The following LARGE1 variants were observed in gnomAD, a reference collection of about 807,000 sequenced individuals.
LARGE1 encodes the protein xylosyl- and glucuronyltransferase LARGE1.
In LARGE1, 43 loss-of-function variants were observed where a neutral mutation model predicts 87.6. The observed-to-expected ratio is 0.49, with a 90% CI of 0.38 to 0.63. The LOEUF is 0.63. Ranked by LOEUF, LARGE1 falls within the 30% of genes least tolerant of loss-of-function variation. The pLI is 0.00. For synonymous variants in LARGE1, 434 were observed against 394.6 expected (o/e 1.10, Z -1.18); for missense variants, 802 against 1,000.2 (o/e 0.80, Z 2.67).
chr22:33,654,839 G>A (rs970258299), intron 2 of LARGE1, among the ~76,000 whole-genome samples: 24 of 152,314 alleles, frequency 1.6e-4, no homozygotes, highest in Admixed American at 9.2e-4. Flanking sequence ...AGGAGCTTGG[G>A]TGAAGAACCA....
intron 2 of LARGE1, among the ~76,000 whole-genome samples, chr22:33,669,472 T>C (rs956297197): frequency 1.3e-5 from 2 of 152,196 alleles, no homozygotes; most frequent in Non-Finnish European, 2.9e-5. Context: ...AGCAAAACAA[T>C]GTCCACAGAG....
At chr22:33,601,048 C>T (rs550555515) in intron 5 of LARGE1, among the ~76,000 whole-genome samples, 1 of 151,996 alleles carries the variant, frequency 6.6e-6, no homozygotes, top group East Asian at 1.9e-4. Flanking sequence ...CCAGCCTGGG[C>T]GACAGAGCAA....
chr22:33,491,421 T>A (rs944605868), intron 6 of LARGE1, among the ~76,000 whole-genome samples: 1 of 152,178 alleles, frequency 6.6e-6, no homozygotes, highest in African/African-American at 2.4e-5. Flanking sequence ...GAACCTCTGA[T>A]AAAAGTAGTT....
intron 6 of LARGE1, among the ~76,000 whole-genome samples, chr22:33,463,845 G>C (rs1023965813): frequency 2.6e-5 from 4 of 152,074 alleles, no homozygotes; most frequent in African/African-American, 9.7e-5. Context: ...GCTAATTTTT[G>C]TATTTTTTAG....
At chr22:33,829,174 A>C (rs567011264) in intron 1 of LARGE1, among the ~76,000 whole-genome samples, 1 of 151,344 alleles carries the variant, frequency 6.6e-6, no homozygotes, top group South Asian at 2.1e-4. Flanking sequence ...GTGCCTGGCT[A>C]ATTTTTGTAT....
intron 7 of LARGE1, among the ~76,000 whole-genome samples, chr22:33,387,067 G>A (rs1234993403): frequency 2.0e-5 from 3 of 148,044 alleles, no homozygotes; most frequent in Non-Finnish European, 4.5e-5. Flanking sequence ...TTGTGCCACT[G>A]TACTCCAGCC....
At chr22:33,412,736 C>A (rs998954012) in intron 7 of LARGE1, among the ~76,000 whole-genome samples, 1 of 152,220 alleles carries the variant, frequency 6.6e-6, no homozygotes, top group Non-Finnish European at 1.5e-5. Flanking sequence ...TCTCAGCTCA[C>A]TGCAACCTCT....
chr22:33,156,013 C>T, the LARGE1 span, among the ~76,000 whole-genome samples: 3 of 152,208 alleles, frequency 2.0e-5, no homozygotes, highest in South Asian at 2.1e-4. Context: ...TGTGGGTGCA[C>T]AGAAGTCAAA....
the LARGE1 span, among the ~76,000 whole-genome samples, chr22:33,089,076 C>A: frequency 6.6e-6 from 1 of 152,152 alleles, no homozygotes; most frequent in East Asian, 1.9e-4. Flanking sequence ...CAACAGTATC[C>A]TGGTTTCATA....
At chr22:33,265,304 G>T (rs990586766) in intron 11 of LARGE1, among the ~76,000 whole-genome samples, 1 of 152,086 alleles carries the variant, frequency 6.6e-6, no homozygotes, top group Non-Finnish European at 1.5e-5. Flanking sequence ...AGCAACCCTT[G>T]ATGTGTCCTC....
the LARGE1 span, among the ~76,000 whole-genome samples, chr22:33,155,669 C>G: frequency 6.6e-6 from 1 of 152,078 alleles, no homozygotes; most frequent in African/African-American, 2.4e-5. Context: ...AAATAAAAAC[C>G]CATTTTCTGA....
chr22:33,385,466 T>C (rs1315976091), intron 7 of LARGE1, among the ~76,000 whole-genome samples: 1 of 126,952 alleles, frequency 7.9e-6, no homozygotes, highest in Admixed American at 9.6e-5. Context: ...AGGTGGAGGT[T>C]GCAGTGAGCT....
intron 1 of LARGE1, among the ~76,000 whole-genome samples, chr22:33,907,569 C>CTTTTTTTTTTTTTTT (rs34936785): frequency 1.4e-5 from 2 of 146,148 alleles, no homozygotes; most frequent in African/African-American, 5.0e-5. Flanking sequence ...GAAGACATTT[C>CTTTTTTTTTTTTTTT]TTTTTTTTTT....
the LARGE1 span, among the ~76,000 whole-genome samples, chr22:33,115,094 C>T: frequency 3.3e-5 from 5 of 152,162 alleles, no homozygotes; most frequent in African/African-American, 4.8e-5. Context: ...GTGTCGTTTA[C>T]ATCTGTGGGA....
intron 6 of LARGE1, among the ~76,000 whole-genome samples, chr22:33,459,423 A>AGCTC (rs1312937745): frequency 2.0e-5 from 3 of 149,242 alleles, no homozygotes; most frequent in African/African-American, 5.0e-5. Context: ...AGTCAAACAA[A>AGCTC]GCTCGCTCGC....
At chr22:33,238,250 C>A (rs1208091805) in intron 11 of LARGE1, among the ~76,000 whole-genome samples, 2 of 151,560 alleles carry the variant, frequency 1.3e-5, no homozygotes, top group African/African-American at 4.9e-5. Flanking sequence ...AGCCAGAATG[C>A]AACAAAAAGA....
At chr22:33,722,919 T>C (rs2083151924) in intron 2 of LARGE1, among the ~76,000 whole-genome samples, 1 of 152,100 alleles carries the variant, frequency 6.6e-6, no homozygotes, top group Admixed American at 6.6e-5. Context: ...GGGGGTGAGC[T>C]GTTTTGATGA....
At chr22:33,174,688 C>T (rs1002535715) in intron 11 of LARGE1, among the ~76,000 whole-genome samples, 3 of 152,152 alleles carry the variant, frequency 2.0e-5, no homozygotes, top group African/African-American at 7.2e-5. Context: ...GAAATGCAAA[C>T]TACCATCAGA....
chr22:33,371,811 C>T lies in LARGE1; in HGVS notation c.1131+10108G>A, dbSNP rs371786389. ...CATCCTGGCTAACACGGTGAAACCT[C>T]GTCTCCACTAAAAATACAAAAAATT... On this transcript the variant is annotated intron_variant, in intron 9 of 14. Coordinates refer to ENST00000397394, the MANE Select transcript of LARGE1 (RefSeq NM_133642.5). Among the ~76,000 whole-genome samples, 23 of 152,082 alleles carry T rather than the reference C, an allele frequency of 1.5e-4. No homozygotes were observed. The East Asian group carries it at 3.7e-3, about 24-fold the overall frequency.
Sources: allele counts gnomAD v4.1 joint callset (sites outside exome capture counted in the v4.1 genomes callset), GRCh38; gene constraint gnomAD v4.1.1; transcripts MANE v1.5; gene names NCBI Gene and HGNC (gene_info 2026-07-23, HGNC 2026-07-21).